The following MPIG6B variants were observed in gnomAD, a reference collection of about 807,000 sequenced individuals.
The protein encoded by MPIG6B is megakaryocyte and platelet inhibitory receptor G6b, also known as immunoglobulin receptor.
Under a neutral mutation model 24.2 loss-of-function variants are expected in MPIG6B, and 22 were observed. The observed-to-expected ratio is 0.91, with a 90% confidence interval of 0.65 to 1.30. MPIG6B has a LOEUF of 1.30. Among genes scored for constraint, MPIG6B ranks in the 50% most tolerant of loss-of-function variants. The pLI is 0.00. For synonymous variants in MPIG6B, 136 were observed against 142.0 expected, an observed-to-expected ratio of 0.96 and a Z score of 0.30; for missense variants, 301 against 318.5, an observed-to-expected ratio of 0.94 and a Z score of 0.42.
rs766503759 is a variant in MPIG6B at position 31,724,954 on chromosome 6, C to T, written c.622-16C>T. On this transcript the variant is annotated splice_polypyrimidine_tract_variant and intron_variant, in intron 5 of 5. Transcript: ENST00000649779. ...ACTGTGGAGACCATCTTGTCTTCCT[C>T]CCCTTCCTCCTCCAGAGCCTGCTCT... is the stretch of plus-strand genomic sequence containing the variant. The T allele has an allele frequency of 6.2e-7, 1 of 1,612,692 alleles. No individual in the cohort carries two copies. The highest frequency in any genetic ancestry group is 1.1e-5 in the South Asian group (1 of 90,936).
Position 31,724,381 on chromosome 6 carries a change from C to T in MPIG6B, c.500+149C>T, listed in dbSNP as rs528295848. 1.3e-4 allele frequency: 100 copies of T among 784,990 alleles called. No individual in the cohort carries two copies. In the African/African-American group the frequency reaches 1.5e-3, roughly 12 times the overall value. The allele number at this position is 784,990 out of a possible 1,614,324, so 48.6% of individuals were successfully genotyped here. A position where few individuals can be genotyped will look rare whatever the true frequency, so the allele number is the denominator to read the frequency against. On this transcript the variant is annotated intron_variant, in intron 3 of 5. Coordinates refer to ENST00000649779, the MANE Select transcript of MPIG6B (RefSeq NM_138272.3). ...GAGAGGTCAAAGGTGGGAGCGAGGCCGCTGACTGGTGAGTAGAGCCCCACC... is the reference window on the plus strand; with the variant it reads ...GAGAGGTCAAAGGTGGGAGCGAGGCTGCTGACTGGTGAGTAGAGCCCCACC...
At chr6:31,722,340 G>C (rs1425152235), upstream of MPIG6B, among the ~76,000 whole-genome samples, 2 of 152,142 alleles carry the variant, frequency 1.3e-5, no homozygotes, top group African/African-American at 2.4e-5. Flanking sequence ...TGCTAAGTAG[G>C]GCTGCCTCAG....
chr6:31,724,199 T>G lies in MPIG6B; in HGVS notation c.467T>G (p.Leu156Arg). 1 of 1,613,200 alleles carries G rather than the reference T, an allele frequency of 6.2e-7. No individual in the cohort carries two copies. Among genetic ancestry groups the G allele is most frequent in the Non-Finnish European group, 8.5e-7 (1 of 1,179,928 alleles). Reference sequence around the variant, plus strand: ...CTGGGCGCTGGGTTGGTGCTCGGACTGGGAGCTTTGGGCCTGGTCTGGTGG... The same window carrying G: ...CTGGGCGCTGGGTTGGTGCTCGGACGGGGAGCTTTGGGCCTGGTCTGGTGG... ...PLLGAGLVLG[L>R]GALGLVWWLH... Residue 156 changes from leucine (L) to arginine (R), a missense_variant, in exon 3 of 6, where the codon CTG (leucine) becomes CGG (arginine). Transcript: ENST00000649779.
chr6:31,724,374 G>A, intron 3 of MPIG6B, 142 bp downstream of exon 3: 1 of 805,850 alleles, frequency 1.2e-6, no homozygotes, highest in Non-Finnish European at 2.0e-6. Flanking sequence ...AAAGGTGGGA[G>A]CGAGGCCGCT....
At chr6:31,722,845 C>CAAAAAAAA (rs9281563), upstream of MPIG6B, among the ~76,000 whole-genome samples, 2 of 74,604 alleles carry the variant, frequency 2.7e-5, no homozygotes, top group African/African-American at 4.6e-5. Context: ...GACTCTGACT[C>CAAAAAAAA]AAAAAAAAAA....
chr6:31,723,356 C>T (rs1049922215), upstream of MPIG6B: 1 of 1,607,238 alleles, frequency 6.2e-7, no homozygotes, highest in South Asian at 1.1e-5. This position sits in a 1 kb window ranked among gnomAD's most constrained non-coding sequence, Gnocchi z 4.3. Context: ...CTGATTCGCT[C>T]GCAGCTTCTC....
chr6:31,723,303 C>A (rs1339068747), upstream of MPIG6B: 8 of 1,168,882 alleles, frequency 6.8e-6, no homozygotes, highest in African/African-American at 3.0e-5. This position sits in a 1 kb window ranked among gnomAD's most constrained non-coding sequence, Gnocchi z 4.3. Flanking sequence ...GTTCTCCCCA[C>A]GCCTAACTTC....
chr6:31,721,707 C>T (rs1471884743), upstream of MPIG6B: 1 of 1,612,592 alleles, frequency 6.2e-7, no homozygotes, highest in Non-Finnish European at 8.5e-7. Flanking sequence ...TGGTGGCAAC[C>T]ACAGCAGCTG....
Position 31,723,749 on chromosome 6 carries a change from A to C in MPIG6B, c.172A>C (p.Lys58Gln), listed in dbSNP as rs764099914. Residue 58 changes from lysine to glutamine, a missense_variant, in exon 2 of 6, where the codon AAA (lysine) becomes CAA (glutamine). Coordinates refer to ENST00000649779, the MANE Select transcript of MPIG6B (RefSeq NM_138272.3). This position sits in a 1 kb window ranked among gnomAD's most constrained non-coding sequence, Gnocchi z 4.3. ...CTTCCCGGCCTGCAAGGGCCTGTCC[A>C]AAGGACGCCGACCGATCCTGTGGGC... ...PSFPACKGLS[K>Q]GRRPILWASS... is the part of the protein sequence containing the mutation. 6.2e-7 allele frequency: 1 copy of C among 1,613,664 alleles called. No individual in the cohort carries two copies. The highest frequency in any genetic ancestry group is 1.7e-5 in the Admixed American group (1 of 60,018).
rs1279168920 is a variant in MPIG6B, at chr6:31,726,044, C to T, written c.*970C>T. ...CAATGAGCCATGAAGTCCAGTCTTT[C>T]TATCTTAACATCACTGTCAAACCCA... On this transcript the variant is annotated 3_prime_UTR_variant, in exon 6 of 6. Coordinates refer to ENST00000649779, the MANE Select transcript of MPIG6B (RefSeq NM_138272.3). This position sits in a 1 kb window ranked among gnomAD's most constrained non-coding sequence, Gnocchi z 5.1. 2 of 152,552 alleles carry T rather than the reference C, an allele frequency of 1.3e-5. No homozygotes were observed. Among genetic ancestry groups the T allele is most frequent in the African/African-American group, 4.8e-5 (2 of 41,452 alleles). The allele number at this position is 152,552 out of a possible 1,614,324, so 9.4% of individuals were successfully genotyped here. A position where few individuals can be genotyped will look rare whatever the true frequency, so the allele number is the denominator to read the frequency against.
At chr6:31,722,642 G>A (rs1015952365), upstream of MPIG6B, among the ~76,000 whole-genome samples, 5 of 152,012 alleles carry the variant, frequency 3.3e-5, no homozygotes, top group Admixed American at 6.6e-5. Context: ...GGATCACAAG[G>A]TCAAGAGATC....
In MPIG6B at chr6:31,724,147, GTGTATCCCCAGCTCC is replaced by G. The variant is rs778498927; in HGVS notation, c.418_432del (p.Tyr140_Leu144del). The stretch of plus-strand genomic sequence containing the variant: ...CCGCCACGCCTTTCCCCCAGGGTCC[GTGTATCCCCAGCTCC>G]TGATCCCGCTGCTGGGCGCTGGGTT... On this transcript the variant is annotated inframe_deletion, in exon 3 of 6. Coordinates refer to ENST00000649779, the MANE Select transcript of MPIG6B (RefSeq NM_138272.3). 6.2e-6 allele frequency: 10 copies of G among 1,612,628 alleles called. No homozygotes were observed. The highest frequency in any genetic ancestry group is 1.1e-5 in the South Asian group (1 of 90,850).
upstream of MPIG6B, among the ~76,000 whole-genome samples, chr6:31,720,651 C>T (rs774202307): frequency 2.6e-5 from 4 of 152,148 alleles, no homozygotes; most frequent in Non-Finnish European, 4.4e-5. This position sits in a 1 kb window ranked among gnomAD's most constrained non-coding sequence, Gnocchi z 4.9. Flanking sequence ...TTGAGGCTGG[C>T]GAGAAAGCCA....
rs1807028569 is a variant in MPIG6B, at chr6:31,723,729, C to T, written c.152C>T (p.Pro51Leu). 1 of 1,613,104 alleles carries T rather than the reference C, an allele frequency of 6.2e-7. No homozygotes were observed. Among genetic ancestry groups the T allele is most frequent in the Non-Finnish European group, 8.5e-7 (1 of 1,179,872 alleles). ...PIRWVWAPSF[P>L]ACKGLSKGRR... ...CGCTGGGTCTGGGCACCCAGCTTCCCGGCCTGCAAGGGCCTGTCCAAAGGA... is the reference window on the plus strand; with the variant it reads ...CGCTGGGTCTGGGCACCCAGCTTCCTGGCCTGCAAGGGCCTGTCCAAAGGA... Residue 51 changes from proline to leucine, a missense_variant, in exon 2 of 6, where the codon CCG becomes CTG. By Grantham distance (98) the Pro-to-Leu change is moderately conservative. Transcript: ENST00000649779. The surrounding 1 kb of genome is among the most constrained non-coding windows in gnomAD (Gnocchi z 4.3).
In MPIG6B at chr6:31,724,830, C is replaced by T. The variant is rs201386757; in HGVS notation, c.607C>T (p.Leu203=). 24 of 1,613,814 alleles carry T rather than the reference C, an allele frequency of 1.5e-5. No individual in the cohort carries two copies. The highest frequency in any genetic ancestry group is 2.0e-5 in the Non-Finnish European group (24 of 1,179,976). The change falls in exon 5 of 6, where the codon CTG becomes TTG. Residue 203 remains leucine (L), a synonymous_variant. Coordinates refer to ENST00000649779, the MANE Select transcript of MPIG6B (RefSeq NM_138272.3). ...GGAAGAGCCCAAGATTCCAGGGGAC[C>T]TGGACCAGGAACCGGTAAGGGCATG... The part of the protein sequence containing the change: ...KEEEPKIPGD[L]DQEPSLLYAD...
intron 3 of MPIG6B, 129 bp from the exon 4 acceptor site, chr6:31,724,458 G>C (rs1029688491): frequency 5.8e-6 from 5 of 867,208 alleles, no homozygotes; most frequent in African/African-American, 1.7e-5. Context: ...CTGGACTGTC[G>C]GTGGGGTAGA....
At chr6:31,721,955 C>T (rs1222752653), upstream of MPIG6B, 2 of 454,960 alleles carry the variant, frequency 4.4e-6, no homozygotes, top group Non-Finnish European at 7.8e-6. Context: ...CATTGTGGTT[C>T]TTGGTTTCAG....
upstream of MPIG6B, among the ~76,000 whole-genome samples, chr6:31,722,369 A>G (rs1161740236): frequency 1.3e-5 from 2 of 152,138 alleles, no homozygotes; most frequent in Non-Finnish European, 2.9e-5. Flanking sequence ...GAAGGTTCTC[A>G]GGATGTCACC....
At chr6:31,724,415 TG>T in intron 3 of MPIG6B, 171 bp from the exon 4 acceptor site, 1 of 758,454 alleles carries the variant, frequency 1.3e-6, no homozygotes, top group Non-Finnish European at 2.3e-6. Flanking sequence ...CCAGAGCAGA[TG>T]AGCTGGAAGT....
Sources: gnomAD v4.1 joint callset for allele counts (sites outside exome capture counted in the v4.1 genomes callset) on GRCh38, gnomAD v4.1.1 for gene constraint, Gnocchi (gnomAD v3.1) non-coding constraint, MANE v1.5 for transcripts, NCBI Gene and HGNC (gene_info 2026-07-23, HGNC 2026-07-21) for gene names.